The following SLIT3 variants were observed in gnomAD, a reference collection of about 807,000 sequenced individuals.
SLIT3 encodes the protein slit homolog 3 protein.
In SLIT3, 68 loss-of-function variants were observed where a neutral mutation model predicts 184.0. The ratio of observed to expected loss-of-function variants is 0.37; its 90% CI spans 0.30 to 0.45. SLIT3 has a LOEUF of 0.45. SLIT3 is among the 20% of genes least tolerant of loss of function. The pLI, the probability that SLIT3 is intolerant of heterozygous loss-of-function variation, is 1.00. For synonymous variants in SLIT3, 831 were observed against 828.6 expected (o/e 1.00, Z -0.05); for missense variants, 1,707 against 2,026.0 (o/e 0.84, Z 3.02).
intron 4 of SLIT3, among the ~76,000 whole-genome samples, chr5:169,058,329 G>T (rs1036517146): frequency 2.6e-5 from 4 of 152,174 alleles, no homozygotes; most frequent in African/African-American, 4.8e-5. Flanking sequence ...GCTGCTTAGG[G>T]TTCCGGGAGG....
At chr5:169,178,930 T>C (rs937542740) in intron 4 of SLIT3, among the ~76,000 whole-genome samples, 8 of 152,122 alleles carry the variant, frequency 5.3e-5, no homozygotes, top group African/African-American at 1.9e-4. Flanking sequence ...TTCGGTGCAA[T>C]GTGGGTGACG....
intron 4 of SLIT3, among the ~76,000 whole-genome samples, chr5:168,999,899 G>T (rs1438179280): frequency 6.6e-6 from 1 of 152,192 alleles, no homozygotes; most frequent in South Asian, 2.1e-4. Flanking sequence ...TCTTGAGCTC[G>T]ATGGCCTTGT....
Position 168,684,009 on chromosome 5 carries a change from G to A in SLIT3, c.3643C>T (p.Leu1215=). The A allele has an allele frequency of 1.2e-5, 19 of 1,605,988 alleles. No individual in the cohort carries two copies. Among genetic ancestry groups the A allele is most frequent in the Non-Finnish European group, 1.4e-5 (17 of 1,175,778 alleles). The stretch of plus-strand genomic sequence containing the variant: ...GGGGAACTCAGGCTGTCATAGACCA[G>A]CCGCACGTGGCCCTGGTACAGCTCC... The part of the protein sequence containing the change: ...ALELYQGHVR[L]VYDSLSSPPT... The change falls in exon 32 of 36, where the codon CTG becomes TTG. Residue 1215 remains leucine (L), a synonymous_variant. Coordinates refer to ENST00000519560, the MANE Select transcript of SLIT3 (RefSeq NM_003062.4).
chr5:169,261,767 C>A (rs544160060), intron 1 of SLIT3, among the ~76,000 whole-genome samples: 2 of 152,168 alleles, frequency 1.3e-5, no homozygotes, highest in Admixed American at 1.3e-4. Context: ...TGGGCAGAAC[C>A]TAGAGACCTG....
intron 28 of SLIT3, 45 bp downstream of exon 28, chr5:168,696,247 C>T (rs756630159): frequency 1.9e-5 from 30 of 1,610,186 alleles, no homozygotes; most frequent in East Asian, 6.7e-5. Context: ...GGTATTCTAG[C>T]GACACCCCTC....
rs753778958 is a variant in SLIT3 at position 168,710,970 on chromosome 5, C to A, written c.2644G>T (p.Ala882Ser). ...ATGGGCTCAGGGCTACTGCAGCGGGCGATGCCAGGCTCCTTGTACCCCGCC... is the reference window on the plus strand; with the variant it reads ...ATGGGCTCAGGGCTACTGCAGCGGGAGATGCCAGGCTCCTTGTACCCCGCC... Reference protein sequence around the residue: ...VKAGYKEPGIARCSSPEPMAD... With the variant: ...VKAGYKEPGISRCSSPEPMAD... The change falls in exon 25 of 36, where the codon GCC becomes TCC. Residue 882 changes from alanine (A) to serine (S), a missense_variant. Physicochemically the swap from Ala to Ser is moderately conservative, Grantham distance 99. This residue lies in a region of SLIT3 where 1,307 missense variants were observed against 1,511.6 expected (regional missense o/e 0.86). Transcript: ENST00000519560. The A allele has an allele frequency of 6.4e-7, 1 of 1,565,786 alleles. No homozygotes were observed. The highest frequency in any genetic ancestry group is 8.7e-7 in the Non-Finnish European group (1 of 1,154,448).
At chr5:169,122,150 T>C (rs1963410) in intron 4 of SLIT3, among the ~76,000 whole-genome samples, 59,457 of 152,012 alleles carry the variant, frequency 0.39, 12,008 homozygotes, top group African/African-American at 0.5. Flanking sequence ...TGTTTAGGTG[T>C]CTCCAGAAAG....
intron 5 of SLIT3, among the ~76,000 whole-genome samples, chr5:168,878,266 A>G (rs922705858): frequency 6.6e-5 from 10 of 152,202 alleles, no homozygotes; most frequent in African/African-American, 2.4e-4. Flanking sequence ...GCATCCCCAG[A>G]TAATTACGTT....
At chr5:169,187,681 A>G (rs1383886377) in intron 4 of SLIT3, among the ~76,000 whole-genome samples, 3 of 150,820 alleles carry the variant, frequency 2.0e-5, no homozygotes, top group Non-Finnish European at 4.4e-5. Flanking sequence ...AGTCTCCGGA[A>G]TAGCTGGGAT....
At chr5:169,210,572 G>T (rs1024160426) in intron 3 of SLIT3, among the ~76,000 whole-genome samples, 31 of 152,210 alleles carry the variant, frequency 2.0e-4, no homozygotes, top group African/African-American at 7.5e-4. Context: ...CTGGCATGAA[G>T]AAAGTCAGTT....
At chr5:168,737,570 A>G (rs1763479526) in intron 20 of SLIT3, among the ~76,000 whole-genome samples, 1 of 152,194 alleles carries the variant, frequency 6.6e-6, no homozygotes, top group African/African-American at 2.4e-5. Context: ...GCCTGGAGCT[A>G]TGTCATCCTT....
chr5:168,785,446 G>A (rs1756119908), intron 12 of SLIT3, among the ~76,000 whole-genome samples: 1 of 152,208 alleles, frequency 6.6e-6, no homozygotes. Flanking sequence ...ACTGGTGACT[G>A]ATTATGCTCC....
At chr5:169,066,261 T>G (rs1016656421) in intron 4 of SLIT3, among the ~76,000 whole-genome samples, 1 of 152,228 alleles carries the variant, frequency 6.6e-6, no homozygotes, top group Non-Finnish European at 1.5e-5. Context: ...TATCTTCCCC[T>G]TTAGTATGAG....
chr5:168,670,918 G>A (rs944710790), intron 34 of SLIT3, among the ~76,000 whole-genome samples: 1 of 152,212 alleles, frequency 6.6e-6, no homozygotes, highest in Non-Finnish European at 1.5e-5. Context: ...CACAGAGACA[G>A]TGGGGGCTCA....
rs554953791 is a variant in SLIT3 at position 168,855,483 on chromosome 5, G to A, written c.486-10828C>T. 2.8e-4 allele frequency among the ~76,000 whole-genome samples: 43 copies of A among 152,322 alleles called. 1 individual carries two copies. The highest frequency in any genetic ancestry group is 6.3e-4 in the African/African-American group (26 of 41,564). ...GGAAACAACCCAAATGTCTGTCAGC[G>A]GATGAGTGGATACACGAATTGTGGT... is the stretch of plus-strand genomic sequence containing the variant. On this transcript the variant is annotated intron_variant, in intron 5 of 35. Coordinates refer to ENST00000519560, the MANE Select transcript of SLIT3 (RefSeq NM_003062.4).
At chr5:168,752,731 T>G in intron 18 of SLIT3, 1 of 545,254 alleles carries the variant, frequency 1.8e-6, no homozygotes, top group Non-Finnish European at 3.3e-6. Context: ...TGGACATGCT[T>G]TCTGTGGCAA....
At chr5:169,018,857 C>T (rs550576523) in intron 4 of SLIT3, among the ~76,000 whole-genome samples, 3 of 152,138 alleles carry the variant, frequency 2.0e-5, no homozygotes, top group Non-Finnish European at 4.4e-5. Context: ...ATCTTTGGAA[C>T]GGGAACACGC....
chr5:169,082,386 A>G lies in SLIT3; in HGVS notation c.413+111093T>C, dbSNP rs948310844. ...GGCCCAGTTACGATTATGTTGGAGT[A>G]ATTTTTTAAAATATGCCTTACTTAC... On this transcript the variant is annotated intron_variant, in intron 4 of 35. Transcript: ENST00000519560. Among the ~76,000 whole-genome samples the G allele has an allele frequency of 3.3e-5, 5 of 152,232 alleles. 1 individual carries two copies. The highest frequency in any genetic ancestry group is 1.2e-4 in the African/African-American group (5 of 41,456).
intron 6 of SLIT3, 65 bp downstream of exon 6, chr5:168,844,515 CCACA>C (rs1758382544): frequency 7.1e-7 from 1 of 1,416,922 alleles, no homozygotes; most frequent in Non-Finnish European, 9.9e-7. Context: ...TCTCTCCTCC[CCACA>C]CAGACACACA....
Sources: gnomAD v4.1 joint callset for allele counts (sites outside exome capture counted in the v4.1 genomes callset) on GRCh38, gnomAD v4.1.1 for gene constraint, gnomAD v4.1.1 regional missense constraint, MANE v1.5 for transcripts, NCBI Gene and HGNC (gene_info 2026-07-23, HGNC 2026-07-21) for gene names.